CLIC5: variants seen among roughly 807,000 people sequenced by gnomAD.
The protein encoded by CLIC5 is chloride intracellular channel protein 5.
In CLIC5, 20 loss-of-function variants were observed where a neutral mutation model predicts 24.7. The ratio of observed to expected loss-of-function variants is 0.81; its 90% CI spans 0.57 to 1.18. The LOEUF (loss-of-function observed/expected upper bound fraction) is 1.18. CLIC5 is among the 50% of genes most tolerant of loss of function. CLIC5 has a pLI of 0.00. For synonymous variants in CLIC5, 159 were observed against 135.6 expected (o/e 1.17, Z -1.20); for missense variants, 341 against 326.1 (o/e 1.05, Z -0.35).
intron 1 of CLIC5, among the ~76,000 whole-genome samples, chr6:46,031,454 A>C (rs1307192262): frequency 1.3e-5 from 2 of 152,228 alleles, no homozygotes; most frequent in African/African-American, 4.8e-5. Flanking sequence ...AAGAAAATCA[A>C]GTTGCACCAG....
At chr6:46,027,399 G>A (rs1002039042) in intron 1 of CLIC5, among the ~76,000 whole-genome samples, 3 of 152,208 alleles carry the variant, frequency 2.0e-5, no homozygotes, top group Non-Finnish European at 4.4e-5. Context: ...TGCTGGAGGA[G>A]CTGAAGTACA....
the CLIC5 span, among the ~76,000 whole-genome samples, chr6:46,115,841 A>G: frequency 3.9e-5 from 6 of 152,262 alleles, no homozygotes; most frequent in Admixed American, 6.5e-5. Flanking sequence ...ATGCCAGGTC[A>G]GAAATAGGGC....
the CLIC5 span, among the ~76,000 whole-genome samples, chr6:46,092,065 T>G: frequency 1.3e-5 from 2 of 152,170 alleles, no homozygotes; most frequent in Non-Finnish European, 2.9e-5. Context: ...CGGTGTGAGG[T>G]GATAACAACT....
chr6:45,918,823 G>A, intron 4 of CLIC5: 1 of 385,052 alleles, frequency 2.6e-6, no homozygotes, highest in Non-Finnish European at 3.6e-6. Context: ...AATTCCCGCA[G>A]TGAGCTAGGG....
the CLIC5 span, among the ~76,000 whole-genome samples, chr6:46,098,509 T>C: frequency 6.6e-6 from 1 of 152,318 alleles, no homozygotes; most frequent in African/African-American, 2.4e-5. Flanking sequence ...ACAAAATATG[T>C]TTTTAGAAAA....
At chr6:45,976,753 C>CT (rs1314622253) in intron 1 of CLIC5, among the ~76,000 whole-genome samples, 2 of 152,170 alleles carry the variant, frequency 1.3e-5, no homozygotes, top group Admixed American at 6.5e-5. Flanking sequence ...ACTCCAGACT[C>CT]TGTCTAAATA....
intron 1 of CLIC5, among the ~76,000 whole-genome samples, chr6:46,068,941 G>C (rs1427049304): frequency 6.6e-6 from 1 of 152,096 alleles, no homozygotes; most frequent in Admixed American, 6.6e-5. Flanking sequence ...CAGAAGTCCT[G>C]GCAAACTAAT....
the CLIC5 span, among the ~76,000 whole-genome samples, chr6:46,099,693 T>G: frequency 1.3e-5 from 2 of 152,304 alleles, no homozygotes; most frequent in South Asian, 2.1e-4. Flanking sequence ...TCTAGTTCTG[T>G]AGTAAAATAG....
At chr6:45,884,567 A>C (rs142717829) in intron 6 of CLIC5, among the ~76,000 whole-genome samples, 1 of 152,304 alleles carries the variant, frequency 6.6e-6, no homozygotes, top group Non-Finnish European at 1.5e-5. Context: ...CCCTAGTGCA[A>C]GGAAGGCTGC....
intron 1 of CLIC5, among the ~76,000 whole-genome samples, chr6:45,977,080 A>G (rs1398002431): frequency 6.6e-6 from 1 of 152,200 alleles, no homozygotes; most frequent in East Asian, 1.9e-4. Flanking sequence ...TATATAGTTG[A>G]TTTATAATAA....
intron 1 of CLIC5, among the ~76,000 whole-genome samples, chr6:46,060,863 C>T (rs1287694630): frequency 2.0e-5 from 3 of 152,214 alleles, no homozygotes; most frequent in Non-Finnish European, 2.9e-5. Flanking sequence ...CACCAGAACT[C>T]TAGCATTAAT....
At chr6:45,962,345 G>T (rs1043996594) in intron 1 of CLIC5, among the ~76,000 whole-genome samples, 20 of 151,820 alleles carry the variant, frequency 1.3e-4, no homozygotes, top group African/African-American at 4.8e-4. Flanking sequence ...GCCGCAGTTC[G>T]AGTCCAAAGG....
chr6:45,957,295 AT>A (rs1209800183), intron 1 of CLIC5, among the ~76,000 whole-genome samples: 1 of 152,150 alleles, frequency 6.6e-6, no homozygotes, highest in Non-Finnish European at 1.5e-5. Flanking sequence ...GTTCTAAAGG[AT>A]TTACATATGT....
At chr6:46,078,820 G>A (rs368901558) in intron 1 of CLIC5, among the ~76,000 whole-genome samples, 4 of 152,194 alleles carry the variant, frequency 2.6e-5, no homozygotes, top group Non-Finnish European at 4.4e-5. Context: ...GGCAAAATTA[G>A]TAAAGTGTGT....
chr6:46,128,941 G>T, the CLIC5 span, among the ~76,000 whole-genome samples: 2 of 152,136 alleles, frequency 1.3e-5, no homozygotes, highest in Admixed American at 1.3e-4. Flanking sequence ...GTTGGTAATA[G>T]CTATACTGTA....
chr6:45,943,392 T>C (rs766233685), intron 3 of CLIC5, among the ~76,000 whole-genome samples: 2 of 152,234 alleles, frequency 1.3e-5, no homozygotes, highest in Non-Finnish European at 2.9e-5. Context: ...TTCCTGGGTA[T>C]ACTGAGAATC....
chr6:46,027,176 A>G (rs1448563995), intron 1 of CLIC5, among the ~76,000 whole-genome samples: 1 of 152,240 alleles, frequency 6.6e-6, no homozygotes, highest in African/African-American at 2.4e-5. Flanking sequence ...ATATTAAATT[A>G]TGATCAAAGC....
chr6:45,976,893 T>C (rs1765404746), intron 1 of CLIC5, among the ~76,000 whole-genome samples: 1 of 152,214 alleles, frequency 6.6e-6, no homozygotes, highest in African/African-American at 2.4e-5. Context: ...TGATGCTTTT[T>C]AGGGCTGGAT....
chr6:46,057,279 T>C (rs6942326), intron 1 of CLIC5, among the ~76,000 whole-genome samples: 107,309 of 152,054 alleles, frequency 0.71, 38,230 homozygotes, highest in African/African-American at 0.8. Flanking sequence ...CCATGCTATT[T>C]TCATGACAGT....
Sources: allele counts gnomAD v4.1 joint callset (sites outside exome capture counted in the v4.1 genomes callset), GRCh38; gene constraint gnomAD v4.1.1; transcripts MANE v1.5; gene names NCBI Gene and HGNC (gene_info 2026-07-23, HGNC 2026-07-21).